DISP1: variants seen among roughly 807,000 people sequenced by gnomAD.
DISP1 encodes the protein protein dispatched homolog 1.
In DISP1, 30 loss-of-function variants were observed where a neutral mutation model predicts 37.3. The observed-to-expected ratio is 0.80, with a 90% CI of 0.60 to 1.09. The LOEUF (loss-of-function observed/expected upper bound fraction) is 1.09, where lower values mean the gene tolerates loss of function less well. Ranked by LOEUF, DISP1 falls within the 50% of genes least tolerant of loss-of-function variation. DISP1 has a pLI of 0.00. For missense variants in DISP1, 1,598 were observed against 1,879.5 expected (o/e 0.85, Z 2.77); for synonymous variants, 634 against 690.2 (o/e 0.92, Z 1.28).
chr1:222,979,233 C>T (rs1677642316), intron 3 of DISP1, among the ~76,000 whole-genome samples: 1 of 151,988 alleles, frequency 6.6e-6, no homozygotes. Context: ...CACAGGGAGA[C>T]CCCACATCTA....
chr1:222,997,282 A>G (rs1170884114), intron 8 of DISP1, among the ~76,000 whole-genome samples: 1 of 152,140 alleles, frequency 6.6e-6, no homozygotes, highest in South Asian at 2.1e-4. Context: ...GGGAGCTGCA[A>G]ACTTATCTGT....
intron 3 of DISP1, among the ~76,000 whole-genome samples, chr1:222,982,105 A>G (rs1677877873): frequency 6.6e-6 from 1 of 152,248 alleles, no homozygotes; most frequent in South Asian, 2.1e-4. Flanking sequence ...TTCAAAACAA[A>G]AAAGTTTAGC....
chr1:222,846,972 A>T (rs1161435236), intron 1 of DISP1, among the ~76,000 whole-genome samples: 1 of 152,212 alleles, frequency 6.6e-6, no homozygotes, highest in African/African-American at 2.4e-5. Flanking sequence ...TATATCTATT[A>T]TATAAAATGA....
chr1:222,875,451 C>A (rs927658652), intron 1 of DISP1, among the ~76,000 whole-genome samples: 1 of 151,644 alleles, frequency 6.6e-6, no homozygotes, highest in Admixed American at 6.6e-5. Context: ...TGGCTTTTTT[C>A]CCCCCTTTTA....
intron 1 of DISP1, among the ~76,000 whole-genome samples, chr1:222,875,538 G>A (rs1476819987): frequency 6.6e-6 from 1 of 151,432 alleles, no homozygotes; most frequent in South Asian, 2.1e-4. Context: ...CATCAGAAAG[G>A]TCTGGTGTGG....
chr1:222,936,685 A>T (rs56371431), intron 2 of DISP1, among the ~76,000 whole-genome samples: 10 of 103,988 alleles, frequency 9.6e-5, no homozygotes, highest in African/African-American at 1.8e-4. Context: ...ATAATATATA[A>T]AATATATGAT....
At chr1:222,989,717 C>T (rs1008163328) in intron 4 of DISP1, among the ~76,000 whole-genome samples, 1 of 152,058 alleles carries the variant, frequency 6.6e-6, no homozygotes, top group Admixed American at 6.5e-5. Flanking sequence ...AGAATTTCTG[C>T]TCTCATGGAA....
chr1:222,894,809 A>G (rs1671156113), intron 1 of DISP1, among the ~76,000 whole-genome samples: 1 of 152,242 alleles, frequency 6.6e-6, no homozygotes, highest in Non-Finnish European at 1.5e-5. Flanking sequence ...GCGACGCTGC[A>G]GCGGCTGCTC....
chr1:222,930,139 C>A (rs1247640972), intron 2 of DISP1, among the ~76,000 whole-genome samples: 2 of 152,094 alleles, frequency 1.3e-5, no homozygotes, highest in Non-Finnish European at 2.9e-5. Flanking sequence ...CCAGTGGAGC[C>A]TTTTGGGGAA....
At chr1:222,873,023 C>A (rs965644759) in intron 1 of DISP1, among the ~76,000 whole-genome samples, 1 of 152,102 alleles carries the variant, frequency 6.6e-6, no homozygotes, top group African/African-American at 2.4e-5. Flanking sequence ...GCCTTCATTT[C>A]GTTATGTACC....
At chr1:222,987,569 A>G (rs192720196) in intron 4 of DISP1, among the ~76,000 whole-genome samples, 1 of 152,316 alleles carries the variant, frequency 6.6e-6, no homozygotes, top group East Asian at 1.9e-4. Flanking sequence ...TAAAATCAAA[A>G]CCAAATGTTT....
chr1:223,005,858 G>A lies in DISP1; in HGVS notation c.4461G>A (p.Val1487=), dbSNP rs1333854032. The A allele has an allele frequency of 3.1e-6, 5 of 1,614,104 alleles. No homozygotes were observed. Among genetic ancestry groups the A allele is most frequent in the Non-Finnish European group, 4.2e-6 (5 of 1,180,052 alleles). Residue 1487 remains valine, a synonymous_variant, in exon 9 of 9, where the codon GTG becomes GTA. Coordinates refer to ENST00000675850, the MANE Select transcript of DISP1 (RefSeq NM_001377229.1). ...PNNSQSCGRI[V]RVKCNSVDCQ... is the part of the protein sequence containing the mutation. ...ATTCACAAAGTTGTGGCAGAATTGT[G>A]AGAGTGAAGTGCAATTCTGTGGACT...
chr1:222,936,524 A>C (rs1031125217), intron 2 of DISP1, among the ~76,000 whole-genome samples: 3 of 125,072 alleles, frequency 2.4e-5, no homozygotes, highest in Non-Finnish European at 5.1e-5. Flanking sequence ...GTATGATGGA[A>C]ATGTCTCTCT....
intron 1 of DISP1, among the ~76,000 whole-genome samples, chr1:222,829,446 G>GTT (rs71564722): frequency 8.1e-6 from 1 of 123,550 alleles, no homozygotes; most frequent in Non-Finnish European, 1.8e-5. Context: ...CTCTTTGAAT[G>GTT]TTTTTTTTTT....
intron 1 of DISP1, among the ~76,000 whole-genome samples, chr1:222,870,448 C>T (rs1444225100): frequency 6.6e-6 from 1 of 152,080 alleles, no homozygotes; most frequent in African/African-American, 2.4e-5. Context: ...CTCTCCAGCA[C>T]CTGTTGTTTC....
At chr1:222,843,565 G>A (rs868552135) in intron 1 of DISP1, among the ~76,000 whole-genome samples, 1 of 115,078 alleles carries the variant, frequency 8.7e-6, no homozygotes, top group Non-Finnish European at 2.0e-5. Context: ...ATGAAGGATG[G>A]GGGGGGGAAA....
intron 1 of DISP1, among the ~76,000 whole-genome samples, chr1:222,819,525 C>CAT (rs1662210581): frequency 7.2e-6 from 1 of 138,620 alleles, no homozygotes; most frequent in Non-Finnish European, 1.5e-5. Flanking sequence ...TACACACACA[C>CAT]ACACACACAT....
At chr1:222,941,234 G>T (rs879568810) in intron 2 of DISP1, among the ~76,000 whole-genome samples, 1 of 152,060 alleles carries the variant, frequency 6.6e-6, no homozygotes, top group Admixed American at 6.6e-5. Context: ...ACTCTGTGTT[G>T]GGTATATTCT....
chr1:222,855,928 T>C (rs1163440790), intron 1 of DISP1, among the ~76,000 whole-genome samples: 1 of 151,186 alleles, frequency 6.6e-6, no homozygotes, highest in African/African-American at 2.4e-5. Context: ...TGCAGCTGCT[T>C]GCAAGAGGAG....
Sources: gnomAD v4.1 joint callset for allele counts (sites outside exome capture counted in the v4.1 genomes callset) on GRCh38, gnomAD v4.1.1 for gene constraint, MANE v1.5 for transcripts, NCBI Gene and HGNC (gene_info 2026-07-23, HGNC 2026-07-21) for gene names.